Variants in PCDH7 observed in about 807,000 individuals in gnomAD.
The protein encoded by PCDH7 is protocadherin-7.
In PCDH7, 17 loss-of-function variants were observed where a neutral mutation model predicts 58.9. The ratio of observed to expected loss-of-function variants is 0.29; its 90% CI spans 0.20 to 0.43. The LOEUF (loss-of-function observed/expected upper bound fraction) is 0.43, where lower values mean the gene tolerates loss of function less well. PCDH7 is among the 20% of genes least tolerant of loss of function. The pLI, the probability that PCDH7 is intolerant of heterozygous loss-of-function variation, is 1.00. For missense variants in PCDH7, 1,274 were observed against 1,441.0 expected (o/e 0.88, Z 1.88); for synonymous variants, 664 against 616.4 (o/e 1.08, Z -1.14).
chr4:31,023,220 A>G (rs1754168232), intron 3 of PCDH7, among the ~76,000 whole-genome samples: 1 of 152,206 alleles, frequency 6.6e-6, no homozygotes, highest in African/African-American at 2.4e-5. Context: ...TGACTCTCCC[A>G]TTCAGACCTG....
chr4:31,083,117 A>G (rs1166861526), intron 3 of PCDH7, among the ~76,000 whole-genome samples: 1 of 152,016 alleles, frequency 6.6e-6, no homozygotes, highest in African/African-American at 2.4e-5. Context: ...CAAAAACAAA[A>G]ACAAAAACAA....
chr4:30,921,252 G>T (rs925964013), intron 2 of PCDH7, among the ~76,000 whole-genome samples: 1 of 151,982 alleles, frequency 6.6e-6, no homozygotes, highest in African/African-American at 2.4e-5. Context: ...AGAGAGAGAT[G>T]GTTAAACAGA....
intron 1 of PCDH7, among the ~76,000 whole-genome samples, chr4:30,865,572 T>C (rs1486802722): frequency 6.6e-6 from 1 of 152,104 alleles, no homozygotes; most frequent in East Asian, 1.9e-4. Context: ...TAGCAGTGCA[T>C]GACACTTAGG....
intron 3 of PCDH7, among the ~76,000 whole-genome samples, chr4:31,101,988 G>A (rs1035658902): frequency 1.3e-5 from 2 of 152,100 alleles, no homozygotes; most frequent in Admixed American, 6.6e-5. Context: ...TGACCCTAAT[G>A]ACTTAAATAT....
intron 3 of PCDH7, among the ~76,000 whole-genome samples, chr4:31,095,286 C>T (rs1713816528): frequency 6.6e-6 from 1 of 152,086 alleles, no homozygotes; most frequent in Non-Finnish European, 1.5e-5. Flanking sequence ...GCCACCCTCA[C>T]TTTTAACCCT....
chr4:30,890,177 G>C (rs528990349), intron 1 of PCDH7, among the ~76,000 whole-genome samples: 1 of 152,078 alleles, frequency 6.6e-6, no homozygotes, highest in African/African-American at 2.4e-5. Context: ...AGTAAACTTT[G>C]CCATTGACCA....
intron 2 of PCDH7, among the ~76,000 whole-genome samples, chr4:30,938,494 ACACACACACACGCACACACT>A (rs971454987): frequency 6.6e-6 from 1 of 151,834 alleles, no homozygotes; most frequent in African/African-American, 2.4e-5. Context: ...ACACACACAC[ACACACACACACGCACACACT>A]CACACACACC....
At chr4:31,033,303 G>A (rs771426756) in intron 3 of PCDH7, among the ~76,000 whole-genome samples, 43 of 152,258 alleles carry the variant, frequency 2.8e-4, no homozygotes, top group Admixed American at 2.0e-3. Flanking sequence ...CTAACAAATT[G>A]TAAAATATTG....
chr4:30,918,780 T>C (rs1038691142), intron 1 of PCDH7, among the ~76,000 whole-genome samples: 11 of 152,100 alleles, frequency 7.2e-5, no homozygotes, highest in African/African-American at 2.7e-4. Context: ...AGCTACTGGG[T>C]TAAAAATACC....
At chr4:30,820,230 TTGTG>T (rs1728214180) in intron 1 of PCDH7, among the ~76,000 whole-genome samples, 1 of 152,148 alleles carries the variant, frequency 6.6e-6, no homozygotes, top group African/African-American at 2.4e-5. Flanking sequence ...TAGATACTTT[TTGTG>T]TGTGAGAGAA....
intron 3 of PCDH7, among the ~76,000 whole-genome samples, chr4:31,134,234 G>C (rs1273246901): frequency 6.6e-6 from 1 of 152,080 alleles, no homozygotes; most frequent in Non-Finnish European, 1.5e-5. Context: ...GGCCGAGGTT[G>C]GGGGATCATG....
intron 3 of PCDH7, among the ~76,000 whole-genome samples, chr4:31,134,053 CTCTCTACTTGAACT>C (rs1466661582): frequency 6.6e-6 from 1 of 152,170 alleles, no homozygotes; most frequent in Admixed American, 6.5e-5. Flanking sequence ...TAGATAGTAG[CTCTCTACTTGAACT>C]TCTTAATTAA....
At chr4:30,796,790 C>A (rs1724833427) in intron 1 of PCDH7, among the ~76,000 whole-genome samples, 1 of 152,196 alleles carries the variant, frequency 6.6e-6, no homozygotes, top group Non-Finnish European at 1.5e-5. Context: ...TATTTTCCAA[C>A]TAAATCTTAT....
intron 1 of PCDH7, among the ~76,000 whole-genome samples, chr4:30,863,612 T>C (rs577893845): frequency 4.5e-4 from 68 of 152,140 alleles, no homozygotes; most frequent in Non-Finnish European, 8.7e-4. Context: ...GCATAAAAGC[T>C]GTTCCATAAA....
At position 30,804,421 on chromosome 4, in the gene PCDH7, C is replaced by T. The variant is rs117784148; in HGVS notation, c.70+79825C>T. ...AGGCATGATGGTGTGTATCTGTAGT[C>T]CTAGCTACTCAGGAGGCTGAGGCAG... On this transcript the variant is annotated intron_variant, in intron 1 of 3. Coordinates refer to the PCDH7 transcript ENST00000509759. 1.2e-3 allele frequency among the ~76,000 whole-genome samples: 178 copies of T among 152,006 alleles called. 2 individuals carry two copies. In the East Asian group the frequency reaches 0.031, roughly 27 times the overall value.
intron 2 of PCDH7, chr4:30,935,286 A>G: frequency 1.1e-6 from 1 of 912,266 alleles, no homozygotes; most frequent in Non-Finnish European, 1.3e-6. Flanking sequence ...TATTTATTAA[A>G]TGCATGATTA....
chr4:30,917,310 T>C (rs1187363652), intron 1 of PCDH7, among the ~76,000 whole-genome samples: 2 of 152,154 alleles, frequency 1.3e-5, no homozygotes, highest in Non-Finnish European at 2.9e-5. Flanking sequence ...ACTTCTGTAT[T>C]AATTTGGTTC....
intron 3 of PCDH7, among the ~76,000 whole-genome samples, chr4:31,036,070 A>G (rs550076882): frequency 5.9e-5 from 9 of 152,322 alleles, no homozygotes; most frequent in African/African-American, 2.2e-4. Flanking sequence ...TTTATAAGGT[A>G]TTATAAATGT....
intron 3 of PCDH7, among the ~76,000 whole-genome samples, chr4:31,008,773 G>C (rs952576744): frequency 1.3e-5 from 2 of 152,010 alleles, no homozygotes; most frequent in African/African-American, 2.4e-5. Context: ...CTGCAGTTTA[G>C]TAAAGTTTGT....
Sources: gnomAD v4.1 joint callset for allele counts (sites outside exome capture counted in the v4.1 genomes callset) on GRCh38, gnomAD v4.1.1 for gene constraint, MANE v1.5 for transcripts, NCBI Gene and HGNC (gene_info 2026-07-23, HGNC 2026-07-21) for gene names.